The following NOTCH2NLA variants were observed in gnomAD, a reference collection of about 807,000 sequenced individuals.
NOTCH2NLA encodes notch 2 N-terminal like A, also known as notch homolog 2 N-terminal-like protein A.
chr1:146,159,076 G>A (rs1661319577), intron 3 of NOTCH2NLA, among the ~76,000 whole-genome samples: 1 of 152,060 alleles, frequency 6.6e-6, no homozygotes, highest in Non-Finnish European at 1.5e-5. Flanking sequence ...AAGATCCCCG[G>A]GCCGGAAGTG....
intron 2 of NOTCH2NLA, among the ~76,000 whole-genome samples, chr1:146,174,477 T>C (rs2794090): frequency 7.2e-6 from 1 of 139,008 alleles, no homozygotes; most frequent in South Asian, 2.3e-4. Flanking sequence ...CAAAGCAAAA[T>C]CCCACCACAT....
At chr1:146,228,634 G>GGTCCCAC (rs1664333871) in intron 1 of NOTCH2NLA, 75 bp downstream of exon 1, 1 of 1,450,610 alleles carries the variant, frequency 6.9e-7, no homozygotes, top group Non-Finnish European at 9.1e-7. Flanking sequence ...CACAGAGAAG[G>GGTCCCAC]ACCGAGGGGG....
chr1:146,228,486 G>A (rs1571353564), intron 1 of NOTCH2NLA: 1 of 854,542 alleles, frequency 1.2e-6, no homozygotes, highest in African/African-American at 2.3e-5. Flanking sequence ...GAGCAGAGGC[G>A]GCGGGGAACC....
At position 146,161,951 on chromosome 1, in the gene NOTCH2NLA, G is replaced by GA. The variant is rs58019694; in HGVS notation, c.298+2799dup. ...CAAATGGTTTGGGCCTCTCCATCAG[G>GA]AAAAAAAAAAACACAACCTGCTGAG... On this transcript the variant is annotated intron_variant, in intron 3 of 4. Coordinates refer to ENST00000362074, the Ensembl canonical transcript of NOTCH2NLA. 1.1e-3 allele frequency among the ~76,000 whole-genome samples: 98 copies of GA among 90,808 alleles called. 16 individuals carry two copies. Among genetic ancestry groups the GA allele is most frequent in the Middle Eastern group, 4.2e-3 (1 of 238 alleles). 59.6% of individuals were successfully genotyped at this position (90,808 alleles called of 152,430 possible).
chr1:146,185,956 G>T lies in NOTCH2NLA; in HGVS notation c.38+3344C>A, dbSNP rs1489644951. Among the ~76,000 whole-genome samples, 5 of 135,236 alleles carry T rather than the reference G, an allele frequency of 3.7e-5. 1 individual carries two copies. Among genetic ancestry groups the T allele is most frequent in the African/African-American group, 7.5e-5 (3 of 40,154 alleles). 88.7% of individuals were successfully genotyped at this position (135,236 alleles called of 152,430 possible). On this transcript the variant is annotated intron_variant, in intron 2 of 4. Transcript: ENST00000362074. ...CTCCACAGAAAAAAAGGTAAGGTTGGTGAAAATACACTGAAAGCTCTGCTA... is the reference window on the plus strand; with the variant it reads ...CTCCACAGAAAAAAAGGTAAGGTTGTTGAAAATACACTGAAAGCTCTGCTA...
chr1:146,158,110 C>G (rs1278221960), intron 3 of NOTCH2NLA, among the ~76,000 whole-genome samples: 6 of 151,654 alleles, frequency 4.0e-5, no homozygotes, highest in Non-Finnish European at 7.4e-5. Flanking sequence ...TTTTTGTTGT[C>G]ATTAGTCTAA....
chr1:146,187,829 G>A (rs1387134854), intron 2 of NOTCH2NLA, among the ~76,000 whole-genome samples: 1 of 136,442 alleles, frequency 7.3e-6, no homozygotes, highest in African/African-American at 2.5e-5. Context: ...CATTCTTAGA[G>A]GAGAATGCAC....
At chr1:146,222,095 TCCC>T (rs1455335693) in intron 1 of NOTCH2NLA, among the ~76,000 whole-genome samples, 6 of 82,938 alleles carry the variant, frequency 7.2e-5, no homozygotes, top group Admixed American at 4.1e-4. Flanking sequence ...ACCACAATGC[TCCC>T]CCAATACACC....
chr1:146,219,732 T>C lies in NOTCH2NLA; in HGVS notation c.-45+8977A>G, dbSNP rs1664014162. On this transcript the variant is annotated intron_variant, in intron 1 of 4. Transcript: ENST00000362074. ...GGTAAAGATTTTTAAAAATAAAACCTAGTGTTGACAATAGTATATTATGTG... is the reference window on the plus strand; with the variant it reads ...GGTAAAGATTTTTAAAAATAAAACCCAGTGTTGACAATAGTATATTATGTG... 3.3e-5 allele frequency among the ~76,000 whole-genome samples: 3 copies of C among 90,144 alleles called. No homozygotes were observed. The Admixed American group carries it at 3.7e-4, about 11-fold the overall frequency. The allele number at this position is 90,144 out of a possible 152,430, so 59.1% of individuals were successfully genotyped here.
At chr1:146,158,060 T>C (rs1553803262) in intron 3 of NOTCH2NLA, among the ~76,000 whole-genome samples, 1 of 149,100 alleles carries the variant, frequency 6.7e-6, no homozygotes, top group South Asian at 2.2e-4. Context: ...GAAAAAAATA[T>C]CCTCACAGAA....
intron 3 of NOTCH2NLA, among the ~76,000 whole-genome samples, chr1:146,159,948 C>A: frequency 1.0e-4 from 2 of 19,794 alleles, no homozygotes; most frequent in African/African-American, 3.2e-4. Context: ...GCCTGGATGA[C>A]AAAGCAATAC....
At chr1:146,171,553 T>A (rs1553807100) in intron 2 of NOTCH2NLA, among the ~76,000 whole-genome samples, 1 of 103,046 alleles carries the variant, frequency 9.7e-6, no homozygotes, top group African/African-American at 3.0e-5. Context: ...TGACTCCAGT[T>A]CATCAAAAAC....
At chr1:146,166,424 C>T (rs1477107332) in intron 2 of NOTCH2NLA, among the ~76,000 whole-genome samples, 1 of 146,516 alleles carries the variant, frequency 6.8e-6, no homozygotes, top group African/African-American at 2.5e-5. Flanking sequence ...AAGGAGAAAA[C>T]AGGGTGGTGA....
chr1:146,171,178 T>A (rs1489197932), intron 2 of NOTCH2NLA, among the ~76,000 whole-genome samples: 1 of 125,240 alleles, frequency 8.0e-6, no homozygotes, highest in Non-Finnish European at 1.9e-5. Flanking sequence ...ACACCAGTAA[T>A]CTCAGCACTT....
In NOTCH2NLA at chr1:146,228,831, C is replaced by T; in HGVS notation, c.-167G>A. 7 of 1,520,354 alleles carry T rather than the reference C, an allele frequency of 4.6e-6. No homozygotes were observed. Among genetic ancestry groups the T allele is most frequent in the Non-Finnish European group, 5.3e-6 (6 of 1,142,710 alleles). The allele number at this position is 1,520,354 out of a possible 1,614,324, so 94.2% of individuals were successfully genotyped here. On this transcript the variant is annotated 5_prime_UTR_variant, in exon 1 of 5. The change creates a premature stop within an existing upstream ORF in the 5' untranslated region. Coordinates refer to ENST00000362074, the Ensembl canonical transcript of NOTCH2NLA. ...CGCCGCCGCGGCCGCCTGGGCAGAT[C>T]CACATGGGGAGGGGGTCCCGATAGA...
intron 2 of NOTCH2NLA, among the ~76,000 whole-genome samples, chr1:146,174,363 A>G (rs1484610043): frequency 3.1e-5 from 4 of 128,374 alleles, no homozygotes. Context: ...GGTGAGGCCA[A>G]ATTGCATCCA....
At chr1:146,186,725 CA>C (rs1662784935) in intron 2 of NOTCH2NLA, among the ~76,000 whole-genome samples, 1 of 129,086 alleles carries the variant, frequency 7.7e-6, no homozygotes, top group South Asian at 2.6e-4. Context: ...CATGTCAGAC[CA>C]AAAATATATA....
intron 2 of NOTCH2NLA, among the ~76,000 whole-genome samples, chr1:146,187,507 A>G (rs1341263869): frequency 7.3e-6 from 1 of 136,098 alleles, no homozygotes; most frequent in Non-Finnish European, 1.7e-5. Context: ...ATAAATAGAT[A>G]AGAAACATGT....
intron 1 of NOTCH2NLA, among the ~76,000 whole-genome samples, chr1:146,198,707 C>A (rs1663285097): frequency 2.5e-5 from 1 of 40,256 alleles, no homozygotes; most frequent in African/African-American, 8.8e-5. Flanking sequence ...CTGTTCTGTT[C>A]CACTATCTGT....
Sources: allele counts gnomAD v4.1 joint callset (sites outside exome capture counted in the v4.1 genomes callset), GRCh38; gene constraint gnomAD v4.1.1; transcripts MANE v1.5; gene names NCBI Gene and HGNC (gene_info 2026-07-23, HGNC 2026-07-21).